Variants in ABL1 observed in about 807,000 individuals in gnomAD.
ABL1 encodes tyrosine-protein kinase ABL1.
ABL1 carries 11 observed loss-of-function variants against 94.7 expected under a neutral mutation model. The ratio of observed to expected loss-of-function variants is 0.12; its 90% CI spans 0.07 to 0.19. The LOEUF (loss-of-function observed/expected upper bound fraction) is 0.19, where lower values mean the gene tolerates loss of function less well. Among genes scored for constraint, ABL1 ranks in the 10% least tolerant of loss-of-function variants. The pLI is 1.00. For missense variants in ABL1, 1,082 were observed against 1,489.4 expected, an observed-to-expected ratio of 0.73 and a Z score of 4.50; for synonymous variants, 656 against 622.4, an observed-to-expected ratio of 1.05 and a Z score of -0.80.
intron 1 of ABL1, among the ~76,000 whole-genome samples, chr9:130,799,361 A>G (rs1476384746): frequency 1.3e-5 from 2 of 152,208 alleles, no homozygotes; most frequent in African/African-American, 2.4e-5. Context: ...GCAGATTGAC[A>G]CTAGGAAAGA....
rs1251085180 is a variant in ABL1, at chr9:130,886,690, A to G, written c.*1007A>G. ...TTCCCCTCCCCCACTCCTCTAAGAC[A>G]AAGTAGATTCTTACAAGGCCCTTTC... On this transcript the variant is annotated 3_prime_UTR_variant, in exon 11 of 11. Coordinates refer to ENST00000318560, the MANE Select transcript of ABL1 (RefSeq NM_005157.6). 1.7e-5 allele frequency: 4 copies of G among 233,556 alleles called. No homozygotes were observed. The East Asian group carries it at 1.8e-4, about 11-fold the overall frequency. 14.5% of individuals were successfully genotyped at this position (233,556 alleles called of 1,614,324 possible).
Position 130,750,403 on chromosome 9 carries a change from C to T in ABL1, c.136+35948C>T, listed in dbSNP as rs1250229805. Among the ~76,000 whole-genome samples, 53 of 7,046 alleles carry T rather than the reference C, an allele frequency of 7.5e-3. 1 individual carries two copies. Among genetic ancestry groups the T allele is most frequent in the African/African-American group, 0.066 (48 of 726 alleles). The allele number at this position is 7,046 out of a possible 152,430, so 4.6% of individuals were successfully genotyped here. On this transcript the variant is annotated intron_variant, in intron 1 of 10. Transcript: ENST00000372348. ...TCCCTCCTTCCCTCCTTCCCTTCCT[C>T]CCTCCCTCCCTCCCTCCCTCCCTCC... is the stretch of plus-strand genomic sequence containing the variant.
chr9:130,751,926 T>C (rs904276428), intron 1 of ABL1, among the ~76,000 whole-genome samples: 3 of 152,184 alleles, frequency 2.0e-5, no homozygotes, highest in African/African-American at 4.8e-5. Context: ...TGGTGATGTG[T>C]CTGTTAGATT....
chr9:130,833,497 T>C (rs771234439), upstream of ABL1, among the ~76,000 whole-genome samples: 184 of 152,190 alleles, frequency 1.2e-3, 4 homozygotes, highest in Admixed American at 3.9e-4. Context: ...TCCCAGATCC[T>C]AGAAAGCATC....
chr9:130,731,240 C>T (rs889893250), intron 1 of ABL1, among the ~76,000 whole-genome samples: 1 of 151,988 alleles, frequency 6.6e-6, no homozygotes, highest in Admixed American at 6.6e-5. Flanking sequence ...CTCCTAACCT[C>T]AGGTGATCCA....
intron 1 of ABL1, among the ~76,000 whole-genome samples, chr9:130,813,509 C>T (rs755412850): frequency 4.4e-5 from 6 of 135,224 alleles, no homozygotes; most frequent in South Asian, 2.3e-4. Context: ...TGCAGTGAGC[C>T]GAGATGGTGT....
At chr9:130,825,972 T>G (rs1830419459) in intron 1 of ABL1, among the ~76,000 whole-genome samples, 1 of 152,184 alleles carries the variant, frequency 6.6e-6, no homozygotes, top group Non-Finnish European at 1.5e-5. Flanking sequence ...CTGTCATGGG[T>G]ACCTAGTAGG....
chr9:130,785,928 T>TAAAA (rs34333699), intron 1 of ABL1, among the ~76,000 whole-genome samples: 8 of 56,658 alleles, frequency 1.4e-4, no homozygotes, highest in East Asian at 7.0e-4. Context: ...GTCTCAAAAC[T>TAAAA]AAAAAAAAAA....
intron 1 of ABL1, among the ~76,000 whole-genome samples, chr9:130,818,717 C>G (rs1261886352): frequency 6.6e-6 from 1 of 152,180 alleles, no homozygotes; most frequent in Non-Finnish European, 1.5e-5. Context: ...GTTCTAGCAC[C>G]ATTTGTTCAA....
intron 1 of ABL1, among the ~76,000 whole-genome samples, chr9:130,808,401 G>A (rs1257038879): frequency 1.3e-5 from 2 of 151,726 alleles, no homozygotes; most frequent in African/African-American, 2.4e-5. Context: ...GCACCACCAC[G>A]CCTGGCTAAT....
At chr9:130,817,053 T>A (rs749184765) in intron 1 of ABL1, among the ~76,000 whole-genome samples, 120 of 152,238 alleles carry the variant, frequency 7.9e-4, no homozygotes, top group Admixed American at 1.7e-3. Context: ...TGGCAACTGC[T>A]GCTCACTTTC....
chr9:130,767,653 G>A (rs1466789516), intron 1 of ABL1, among the ~76,000 whole-genome samples: 2 of 152,172 alleles, frequency 1.3e-5, no homozygotes, highest in Admixed American at 6.5e-5. Flanking sequence ...TTTGAATACC[G>A]AGTTTTAGTT....
chr9:130,860,082 C>G lies in ABL1; in HGVS notation c.550-2681C>G, dbSNP rs57046042. On this transcript the variant is annotated intron_variant, in intron 3 of 10. Transcript: ENST00000318560. ...ACTGAGCACCTGAGTGTTCATGGAA[C>G]CAGGTGCATAGCGTAATGACATGCC... 8.1e-3 allele frequency among the ~76,000 whole-genome samples: 1,227 copies of G among 152,240 alleles called. 24 individuals carry two copies. Among genetic ancestry groups the G allele is most frequent in the African/African-American group, 0.028 (1,166 of 41,536 alleles).
In ABL1 at chr9:130,887,328, G is replaced by A. The variant is rs1337578729; in HGVS notation, c.*1645G>A. Reference sequence around the variant, plus strand: ...CTTTGCCCCCGACGGCTGTGACGCAGCCGGAGGGAGGCACTAGTCACCGAC... The same window carrying A: ...CTTTGCCCCCGACGGCTGTGACGCAACCGGAGGGAGGCACTAGTCACCGAC... On this transcript the variant is annotated 3_prime_UTR_variant, in exon 11 of 11. Coordinates refer to ENST00000318560, the MANE Select transcript of ABL1 (RefSeq NM_005157.6). 4.3e-6 allele frequency: 1 copy of A among 233,330 alleles called. No individual in the cohort carries two copies. The highest frequency in any genetic ancestry group is 2.2e-5 in the African/African-American group (1 of 45,492). 14.5% of individuals were successfully genotyped at this position (233,330 alleles called of 1,614,324 possible). A position where few individuals can be genotyped will look rare whatever the true frequency, so the allele number is the denominator to read the frequency against.
At chr9:130,846,278 T>C (rs1830770410) in intron 1 of ABL1, among the ~76,000 whole-genome samples, 1 of 152,214 alleles carries the variant, frequency 6.6e-6, no homozygotes, top group African/African-American at 2.4e-5. Flanking sequence ...GAGACTGTTA[T>C]AAAATAACTT....
exon 1 of ABL1, chr9:130,714,120 A>C (rs781533380): frequency 4.6e-6 from 2 of 432,846 alleles, no homozygotes; most frequent in Non-Finnish European, 8.0e-6. Flanking sequence ...AATAATTGGA[A>C]CTCCTGCTTG....
intron 1 of ABL1, among the ~76,000 whole-genome samples, chr9:130,730,129 C>G (rs543021862): frequency 6.7e-6 from 1 of 148,876 alleles, no homozygotes; most frequent in Non-Finnish European, 1.5e-5. Flanking sequence ...CCGCTACCTC[C>G]GCCTCCTGGG....
Position 130,878,302 on chromosome 9 carries a change from C to G in ABL1, c.1271-113C>G, listed in dbSNP as rs935738052. 31 of 1,261,024 alleles carry G rather than the reference C, an allele frequency of 2.5e-5. 1 individual carries two copies. The African/African-American group carries it at 3.9e-4, about 16-fold the overall frequency. 78.1% of individuals were successfully genotyped at this position (1,261,024 alleles called of 1,614,324 possible). A position where few individuals can be genotyped will look rare whatever the true frequency, so the allele number is the denominator to read the frequency against. ...GCCTGGTAAAATGTCAGAGCCTGGG[C>G]TGCTGCTGGGGCCATCCCTTCTGAG... is the stretch of plus-strand genomic sequence containing the variant. On this transcript the variant is annotated intron_variant, in intron 7 of 10. Coordinates refer to ENST00000318560, the MANE Select transcript of ABL1 (RefSeq NM_005157.6).
chr9:130,884,989 C>A lies in ABL1; in HGVS notation c.2699C>A (p.Pro900Gln). 1 of 1,611,184 alleles carries A rather than the reference C, an allele frequency of 6.2e-7. No homozygotes were observed. The highest frequency in any genetic ancestry group is 8.5e-7 in the Non-Finnish European group (1 of 1,179,398). ...GKLSRLKPAP[P>Q]PPPAASAGKA... is the part of the protein sequence containing the mutation. ...TTGTCCAGGCTCAAACCTGCCCCGC[C>A]GCCCCCACCAGCAGCCTCTGCAGGG... Residue 900 changes from proline to glutamine, a missense_variant, in exon 11 of 11, where the codon CCG becomes CAG. Physicochemically the swap from Pro to Gln is moderately conservative, Grantham distance 76 (BLOSUM62 -1). Coordinates refer to ENST00000318560, the MANE Select transcript of ABL1 (RefSeq NM_005157.6). The surrounding 1 kb of genome is among the most constrained non-coding windows in gnomAD (Gnocchi z 5.6).
Sources: gnomAD v4.1 joint callset for allele counts (sites outside exome capture counted in the v4.1 genomes callset) on GRCh38, gnomAD v4.1.1 for gene constraint, Gnocchi (gnomAD v3.1) non-coding constraint, MANE v1.5 for transcripts, NCBI Gene and HGNC (gene_info 2026-07-23, HGNC 2026-07-21) for gene names.